STK32B: variants seen among roughly 807,000 people sequenced by gnomAD.
STK32B encodes the protein serine/threonine-protein kinase 32B.
A neutral mutation model predicts 52.6 loss-of-function variants in STK32B; 43 were observed. The observed-to-expected ratio is 0.82, with a 90% CI of 0.64 to 1.05. The LOEUF (loss-of-function observed/expected upper bound fraction) is 1.05, where lower values mean the gene tolerates loss of function less well. Among genes scored for constraint, STK32B ranks in the 50% least tolerant of loss-of-function variants. The pLI is 0.00. For missense variants in STK32B, 621 were observed against 534.6 expected (o/e 1.16, Z -1.59); for synonymous variants, 238 against 204.3 (o/e 1.17, Z -1.41).
chr4:5,406,282 A>G (rs1409917132), intron 5 of STK32B, among the ~76,000 whole-genome samples: 1 of 152,180 alleles, frequency 6.6e-6, no homozygotes, highest in African/African-American at 2.4e-5. Context: ...TCTGCATGGT[A>G]CAGCCCCCTC....
intron 6 of STK32B, among the ~76,000 whole-genome samples, chr4:5,418,752 C>A (rs924958814): frequency 6.6e-6 from 1 of 152,226 alleles, no homozygotes; most frequent in Non-Finnish European, 1.5e-5. Flanking sequence ...TAACTCTGGC[C>A]AGGTTGTGCC....
intron 11 of STK32B, among the ~76,000 whole-genome samples, chr4:5,481,885 C>T (rs953754909): frequency 3.5e-4 from 53 of 152,120 alleles, no homozygotes; most frequent in African/African-American, 1.2e-3. Context: ...GTCAAAGATC[C>T]GATGGTTGTA....
At chr4:5,156,194 G>T (rs1717827714) in intron 2 of STK32B, among the ~76,000 whole-genome samples, 1 of 151,174 alleles carries the variant, frequency 6.6e-6, no homozygotes, top group Non-Finnish European at 1.5e-5. Context: ...CACTGAAGTG[G>T]TCTATATGTA....
At chr4:5,404,231 C>T (rs1032157214) in intron 5 of STK32B, among the ~76,000 whole-genome samples, 11 of 152,170 alleles carry the variant, frequency 7.2e-5, no homozygotes, top group African/African-American at 2.7e-4. Context: ...ACGGTGTCAG[C>T]ATGGCCCTGC....
chr4:5,377,184 A>G (rs1455196993), intron 4 of STK32B, among the ~76,000 whole-genome samples: 2 of 152,196 alleles, frequency 1.3e-5, no homozygotes, highest in Non-Finnish European at 2.9e-5. Flanking sequence ...GCATCTAGAA[A>G]TATTCTTTAA....
intron 3 of STK32B, among the ~76,000 whole-genome samples, chr4:5,176,363 A>C (rs764886937): frequency 6.6e-6 from 1 of 151,570 alleles, no homozygotes; most frequent in Non-Finnish European, 1.5e-5. Context: ...TCAGTTCGAA[A>C]TGCAGAAATC....
chr4:5,198,068 C>G (rs1291138391), intron 3 of STK32B, among the ~76,000 whole-genome samples: 1 of 151,972 alleles, frequency 6.6e-6, no homozygotes, highest in Non-Finnish European at 1.5e-5. Context: ...TAGAAACTAC[C>G]CCCTATGATG....
chr4:5,486,493 T>C (rs907742730), intron 11 of STK32B, among the ~76,000 whole-genome samples: 1 of 152,200 alleles, frequency 6.6e-6, no homozygotes, highest in Admixed American at 6.5e-5. Flanking sequence ...ACCCCTTTCT[T>C]TGACTAGGAA....
intron 4 of STK32B, among the ~76,000 whole-genome samples, chr4:5,335,899 C>G (rs564665942): frequency 3.4e-4 from 52 of 151,636 alleles, no homozygotes; most frequent in Middle Eastern, 6.8e-3. Context: ...TTATTTCCAA[C>G]TATGTGGTCA....
At chr4:5,239,915 C>T (rs973449489) in intron 3 of STK32B, among the ~76,000 whole-genome samples, 7 of 152,128 alleles carry the variant, frequency 4.6e-5, no homozygotes, top group Non-Finnish European at 1.0e-4. Flanking sequence ...CTCTGCCATT[C>T]CCTCTGTCTG....
At chr4:5,464,688 A>T (rs1158933539) in intron 9 of STK32B, among the ~76,000 whole-genome samples, 2 of 152,194 alleles carry the variant, frequency 1.3e-5, no homozygotes, top group African/African-American at 4.8e-5. Context: ...GCTTCACACC[A>T]GTCCTGGGCA....
chr4:5,412,579 A>G (rs1711786219), intron 5 of STK32B, among the ~76,000 whole-genome samples: 1 of 152,256 alleles, frequency 6.6e-6, no homozygotes, highest in South Asian at 2.1e-4. Flanking sequence ...GGACGGGGAA[A>G]GCTCCACTCT....
chr4:5,196,107 T>C (rs58377216), intron 3 of STK32B, among the ~76,000 whole-genome samples: 14,866 of 152,154 alleles, frequency 0.098, 882 homozygotes, highest in Non-Finnish European at 0.13. Flanking sequence ...ACTAAGACTT[T>C]CTCCTCCATA....
intron 3 of STK32B, among the ~76,000 whole-genome samples, chr4:5,188,566 T>C (rs1720927635): frequency 6.6e-6 from 1 of 152,216 alleles, no homozygotes; most frequent in African/African-American, 2.4e-5. Flanking sequence ...CTCTGTCTAC[T>C]GTCAGCTTAC....
At chr4:5,230,777 T>C (rs1328526890) in intron 3 of STK32B, among the ~76,000 whole-genome samples, 2 of 152,122 alleles carry the variant, frequency 1.3e-5, no homozygotes, top group African/African-American at 2.4e-5. Context: ...CAGGAAACCT[T>C]AGCTGCTACC....
intron 3 of STK32B, among the ~76,000 whole-genome samples, chr4:5,314,772 A>G (rs990742099): frequency 6.6e-6 from 1 of 152,208 alleles, no homozygotes; most frequent in African/African-American, 2.4e-5. Context: ...AACCAGTCAC[A>G]TAGCCAACAA....
chr4:5,488,811 A>G (rs888410903), intron 11 of STK32B, among the ~76,000 whole-genome samples: 4 of 152,046 alleles, frequency 2.6e-5, no homozygotes, highest in Non-Finnish European at 5.9e-5. Flanking sequence ...GTTCTTTTAT[A>G]TCTTGTTTCT....
chr4:5,078,072 C>T (rs1712187693), intron 1 of STK32B, among the ~76,000 whole-genome samples: 1 of 152,100 alleles, frequency 6.6e-6, no homozygotes, highest in Admixed American at 6.5e-5. Context: ...ACAGCTCCCA[C>T]AAATCCCCAT....
At chr4:5,428,183 G>A (rs553400363) in intron 6 of STK32B, among the ~76,000 whole-genome samples, 6 of 152,038 alleles carry the variant, frequency 3.9e-5, no homozygotes, top group East Asian at 1.9e-4. Context: ...CGACGCGGGC[G>A]GATCACAAGG....
Sources: allele counts gnomAD v4.1 joint callset (sites outside exome capture counted in the v4.1 genomes callset), GRCh38; gene constraint gnomAD v4.1.1; transcripts MANE v1.5; gene names NCBI Gene and HGNC (gene_info 2026-07-23, HGNC 2026-07-21).